The following PCP4L1 variants were observed in gnomAD, a reference collection of about 807,000 sequenced individuals.
PCP4L1 encodes Purkinje cell protein 4-like protein 1.
In PCP4L1, 9 loss-of-function variants were observed where a neutral mutation model predicts 9.6. The ratio of observed to expected loss-of-function variants is 0.94; its 90% CI spans 0.57 to 1.64. The LOEUF (loss-of-function observed/expected upper bound fraction) is 1.64, where lower values mean the gene tolerates loss of function less well. Ranked by LOEUF, PCP4L1 falls within the 40% of genes most tolerant of loss-of-function variation. PCP4L1 has a pLI of 0.00. For synonymous variants in PCP4L1, 31 were observed against 28.2 expected, an observed-to-expected ratio of 1.10 and a Z score of -0.31; for missense variants, 81 against 80.8, an observed-to-expected ratio of 1.00 and a Z score of -0.01.
chr1:161,273,489 C>G (rs1351436818), intron 1 of PCP4L1, among the ~76,000 whole-genome samples: 1 of 152,106 alleles, frequency 6.6e-6, no homozygotes, highest in Non-Finnish European at 1.5e-5. Flanking sequence ...TGAGGCTGAA[C>G]GAACCAAGCT....
At chr1:161,266,970 AG>A (rs1669542284) in intron 1 of PCP4L1, among the ~76,000 whole-genome samples, 1 of 152,136 alleles carries the variant, frequency 6.6e-6, no homozygotes, top group African/African-American at 2.4e-5. Flanking sequence ...ATATGTCAGA[AG>A]GGATAAAAGG....
chr1:161,284,595 C>A lies in PCP4L1; in HGVS notation c.*114C>A. 2 of 1,372,116 alleles carry A rather than the reference C, an allele frequency of 1.5e-6. No individual in the cohort carries two copies. Among genetic ancestry groups the A allele is most frequent in the South Asian group, 1.4e-5 (1 of 70,122 alleles). The allele number at this position is 1,372,116 out of a possible 1,614,324, so 85.0% of individuals were successfully genotyped here. A position where few individuals can be genotyped will look rare whatever the true frequency, so the allele number is the denominator to read the frequency against. The stretch of plus-strand genomic sequence containing the variant: ...TAGCCTTTCCTTGAGGCAAGTTCAA[C>A]CTTTATATACTCTTGTATCTGGCCC... On this transcript the variant is annotated 3_prime_UTR_variant, in exon 3 of 3. Coordinates refer to ENST00000504449, the MANE Select transcript of PCP4L1 (RefSeq NM_001102566.2).
intron 1 of PCP4L1, among the ~76,000 whole-genome samples, chr1:161,267,769 G>A (rs1049165475): frequency 6.6e-6 from 1 of 152,158 alleles, no homozygotes; most frequent in African/African-American, 2.4e-5. Flanking sequence ...GTGGAGTGCA[G>A]TGGTGCGATG....
Position 161,283,752 on chromosome 1 carries a change from G to A in PCP4L1, c.64+30G>A, listed in dbSNP as rs748849154. On this transcript the variant is annotated intron_variant, in intron 2 of 2. Coordinates refer to ENST00000504449, the MANE Select transcript of PCP4L1 (RefSeq NM_001102566.2). ...GTGGGGTTGGGCTAGGCAGTTTGTA[G>A]AGCAGGTGACTGTAGAGACATAAAG... 5 of 1,587,612 alleles carry A rather than the reference G, an allele frequency of 3.1e-6. No individual in the cohort carries two copies. In the South Asian group the frequency reaches 5.7e-5, roughly 18 times the overall value.
intron 1 of PCP4L1, among the ~76,000 whole-genome samples, chr1:161,269,094 T>C (rs926188529): frequency 3.2e-4 from 48 of 152,312 alleles, no homozygotes; most frequent in African/African-American, 1.1e-3. Flanking sequence ...TCATCCTCTA[T>C]GTAATGGTAA....
intron 1 of PCP4L1, among the ~76,000 whole-genome samples, chr1:161,275,079 T>TTGGGAGGGAAGCAGC (rs1020915967): frequency 1.3e-5 from 2 of 151,910 alleles, no homozygotes; most frequent in African/African-American, 4.8e-5. Context: ...CCAGAGAGAC[T>TTGGGAGGGAAGCAGC]TGGGAGGGAA....
intron 1 of PCP4L1, among the ~76,000 whole-genome samples, chr1:161,280,583 T>G (rs6672568): frequency 6.6e-6 from 1 of 151,532 alleles, no homozygotes; most frequent in Non-Finnish European, 1.5e-5. Flanking sequence ...ATTACAATCA[T>G]GCCCTCCCCT....
chr1:161,271,608 A>G (rs1035943541), intron 1 of PCP4L1, among the ~76,000 whole-genome samples: 2 of 150,806 alleles, frequency 1.3e-5, no homozygotes, highest in African/African-American at 2.4e-5. Context: ...GGTTAAAGCA[A>G]TTCTCCCACC....
intron 1 of PCP4L1, among the ~76,000 whole-genome samples, chr1:161,262,111 T>C (rs1292401001): frequency 6.6e-6 from 1 of 152,124 alleles, no homozygotes; most frequent in African/African-American, 2.4e-5. Context: ...ATATACAAAA[T>C]AGAAAGTCTA....
At chr1:161,281,686 C>A (rs191567688) in intron 1 of PCP4L1, among the ~76,000 whole-genome samples, 1 of 140,392 alleles carries the variant, frequency 7.1e-6, no homozygotes. Context: ...GGCTGCCGGG[C>A]GGAGGGGCTC....
Position 161,258,760 on chromosome 1 carries a change from G to T in PCP4L1, c.-215G>T. 2 of 705,870 alleles carry T rather than the reference G, an allele frequency of 2.8e-6. No homozygotes were observed. Among genetic ancestry groups the T allele is most frequent in the Non-Finnish European group, 4.7e-6 (2 of 421,902 alleles). 43.7% of individuals were successfully genotyped at this position (705,870 alleles called of 1,614,324 possible). On this transcript the variant is annotated 5_prime_UTR_variant, in exon 1 of 3. Coordinates refer to ENST00000504449, the MANE Select transcript of PCP4L1 (RefSeq NM_001102566.2). ...GCGGCGAGCTGAGCGGCTCTGACAG[G>T]ACGGGTCGCAGGGGGTCGCCTGGCC...
At chr1:161,283,629 T>C (rs1243722496) in intron 1 of PCP4L1, 39 bp from the exon 2 acceptor site, 4 of 1,538,258 alleles carry the variant, frequency 2.6e-6, no homozygotes, top group Non-Finnish European at 2.7e-6. Context: ...ATTACTTCCA[T>C]GAATATCTAA....
At position 161,281,779 on chromosome 1, in the gene PCP4L1, AT is replaced by A. The variant is rs1669815251; in HGVS notation, c.10-1888del. On this transcript the variant is annotated intron_variant, in intron 1 of 2. Transcript: ENST00000504449. ...ACGGCCGGGCAGAGGCGCTCCTCAC[AT>A]CCCGGACGGGGCGGCGGGGCAGAGG... 1.1e-4 allele frequency among the ~76,000 whole-genome samples: 2 copies of A among 17,728 alleles called. 1 individual carries two copies. The highest frequency in any genetic ancestry group is 1.8e-3 in the African/African-American group (2 of 1,130). 11.6% of individuals were successfully genotyped at this position (17,728 alleles called of 152,430 possible).
intron 1 of PCP4L1, among the ~76,000 whole-genome samples, chr1:161,263,251 T>C (rs1046145621): frequency 1.3e-5 from 2 of 151,432 alleles, no homozygotes; most frequent in Non-Finnish European, 1.5e-5. Flanking sequence ...TTGTTTTTTT[T>C]TGGGTTGGAG....
intron 1 of PCP4L1, among the ~76,000 whole-genome samples, chr1:161,281,713 G>GC (rs1380875518): frequency 4.0e-5 from 6 of 149,126 alleles, no homozygotes; most frequent in Non-Finnish European, 6.0e-5. Context: ...TCTCAGACGG[G>GC]GCGGCCGGGC....
intron 1 of PCP4L1, among the ~76,000 whole-genome samples, chr1:161,279,767 C>T (rs1002878967): frequency 3.9e-5 from 6 of 152,190 alleles, no homozygotes; most frequent in African/African-American, 1.4e-4. Flanking sequence ...TCCAGATGAA[C>T]CATACCTTGA....
rs1669874524 is a variant in PCP4L1, at chr1:161,284,465, AG to A, written c.193del (p.Asp65IlefsTer35). 1 of 1,613,524 alleles carries A rather than the reference AG, an allele frequency of 6.2e-7. No individual in the cohort carries two copies. Among genetic ancestry groups the A allele is most frequent in the Non-Finnish European group, 8.5e-7 (1 of 1,179,700 alleles). On this transcript the variant is annotated frameshift_variant, in exon 3 of 3. Transcript: ENST00000504449. LOFTEE classifies it high-confidence loss of function. Reference sequence around the variant, plus strand: ...TTCCGGCGATTTCAGAAAAGGAAAAAGGATCCCAGCTCCTGAATGGCCAGGC... The same window carrying A: ...TTCCGGCGATTTCAGAAAAGGAAAAAGATCCCAGCTCCTGAATGGCCAGGC... ...GKFRRFQKRK[K>X]DPSS
chr1:161,282,222 C>CA (rs201234971), intron 1 of PCP4L1, among the ~76,000 whole-genome samples: 41,940 of 151,556 alleles, frequency 0.28, 5,993 homozygotes, highest in East Asian at 0.42. Context: ...CTGTCTCCAC[C>CA]AAAAAAATAC....
chr1:161,268,885 C>T (rs1046035129), intron 1 of PCP4L1, among the ~76,000 whole-genome samples: 1 of 152,094 alleles, frequency 6.6e-6, no homozygotes, highest in South Asian at 2.1e-4. Flanking sequence ...CTCTCTTCTG[C>T]AGATGAGCGA....
Sources: gnomAD v4.1 joint callset for allele counts (sites outside exome capture counted in the v4.1 genomes callset) on GRCh38, gnomAD v4.1.1 for gene constraint, MANE v1.5 for transcripts, NCBI Gene and HGNC (gene_info 2026-07-23, HGNC 2026-07-21) for gene names.